JAZF1: variants seen among roughly 807,000 people sequenced by gnomAD.
The protein encoded by JAZF1 is JAZF zinc finger 1.
Under a neutral mutation model 26.4 loss-of-function variants are expected in JAZF1, and 8 were observed. That is an observed-to-expected ratio of 0.30 (90% CI 0.18 to 0.55). The LOEUF is 0.55. JAZF1 is among the 20% of genes least tolerant of loss of function. The pLI is 0.94. For missense variants in JAZF1, 199 were observed against 322.0 expected (o/e 0.62, Z 2.92); for synonymous variants, 126 against 122.3 (o/e 1.03, Z -0.20).
intron 2 of JAZF1, among the ~76,000 whole-genome samples, chr7:27,936,857 C>T (rs1027851347): frequency 3.3e-5 from 5 of 152,204 alleles, no homozygotes; most frequent in African/African-American, 1.2e-4. Flanking sequence ...CTCCATGCTC[C>T]AGCTAAACAT....
intron 3 of JAZF1, among the ~76,000 whole-genome samples, chr7:27,854,694 G>T (rs371648799): frequency 1.3e-4 from 20 of 152,226 alleles, no homozygotes; most frequent in African/African-American, 4.8e-4. Flanking sequence ...TTGAATATCG[G>T]CCCCCACTCT....
Position 28,047,886 on chromosome 7 carries a change from C to T in JAZF1, c.116-55905G>A, listed in dbSNP as rs1042211698. 5.3e-5 allele frequency among the ~76,000 whole-genome samples: 8 copies of T among 152,176 alleles called. No individual in the cohort carries two copies. The South Asian group carries it at 6.2e-4, about 12-fold the overall frequency. ...CTTATATTGATAAATTAGATGGTTT[C>T]GTGTTTTCTTGATCATATTCTTGTC... On this transcript the variant is annotated intron_variant, in intron 1 of 4. Transcript: ENST00000283928.
At chr7:28,085,244 C>T (rs1448286969) in intron 1 of JAZF1, among the ~76,000 whole-genome samples, 2 of 152,142 alleles carry the variant, frequency 1.3e-5, no homozygotes, top group African/African-American at 4.8e-5. Flanking sequence ...ATGTGGCTAA[C>T]AGGCATAAAA....
chr7:28,063,031 T>C (rs1254362355), intron 1 of JAZF1, among the ~76,000 whole-genome samples: 2 of 152,216 alleles, frequency 1.3e-5, no homozygotes, highest in African/African-American at 2.4e-5. Flanking sequence ...CAAGAAAACA[T>C]CTAAGCTTAT....
At chr7:28,056,077 G>A (rs145431933) in intron 1 of JAZF1, among the ~76,000 whole-genome samples, 112 of 152,058 alleles carry the variant, frequency 7.4e-4, no homozygotes, top group African/African-American at 2.6e-3. Context: ...ACCCACCACA[G>A]TATCCTCTGA....
intron 1 of JAZF1, among the ~76,000 whole-genome samples, chr7:28,041,924 C>T (rs150302029): frequency 6.6e-6 from 1 of 152,122 alleles, no homozygotes; most frequent in Non-Finnish European, 1.5e-5. Flanking sequence ...GAGATCAAGC[C>T]GAACTGGGCA....
intron 4 of JAZF1, among the ~76,000 whole-genome samples, chr7:27,836,172 G>GA (rs1782810461): frequency 6.6e-6 from 1 of 152,156 alleles, no homozygotes; most frequent in African/African-American, 2.4e-5. Context: ...AGTGGTCTTT[G>GA]AAAAATCTTA....
intron 1 of JAZF1, among the ~76,000 whole-genome samples, chr7:28,091,601 CATATATATTATATATATATAACAT>C (rs1562583999): frequency 6.8e-6 from 1 of 146,426 alleles, no homozygotes; most frequent in African/African-American, 2.6e-5. Context: ...GTTAAATATA[CATATATATTATATATATATAACAT>C]ATATATATAT....
At chr7:27,851,167 C>G (rs1361559386) in intron 3 of JAZF1, among the ~76,000 whole-genome samples, 1 of 152,066 alleles carries the variant, frequency 6.6e-6, no homozygotes, top group Non-Finnish European at 1.5e-5. Context: ...GGTCTTGAAC[C>G]CCTAACCTTA....
At chr7:28,135,624 C>T (rs1782870898) in intron 1 of JAZF1, among the ~76,000 whole-genome samples, 2 of 152,124 alleles carry the variant, frequency 1.3e-5, no homozygotes, top group Non-Finnish European at 2.9e-5. Flanking sequence ...TTTGAAAGAA[C>T]ACGGAGAAGA....
intron 1 of JAZF1, among the ~76,000 whole-genome samples, chr7:28,168,380 C>CAAAAA (rs11301939): frequency 1.8e-4 from 13 of 71,132 alleles, no homozygotes; most frequent in East Asian, 4.6e-4. Flanking sequence ...GACTCCGTCT[C>CAAAAA]AAAAAAAAAA....
At chr7:28,049,580 G>T (rs1256943200) in intron 1 of JAZF1, among the ~76,000 whole-genome samples, 1 of 152,150 alleles carries the variant, frequency 6.6e-6, no homozygotes, top group East Asian at 1.9e-4. Flanking sequence ...AGTCCTGCAA[G>T]AATGTCCCTA....
intron 1 of JAZF1, among the ~76,000 whole-genome samples, chr7:28,046,701 A>G (rs1783502895): frequency 6.6e-6 from 1 of 152,152 alleles, no homozygotes; most frequent in Admixed American, 6.6e-5. Flanking sequence ...ATACATGAAA[A>G]CTGATTTCAA....
intron 2 of JAZF1, among the ~76,000 whole-genome samples, chr7:27,981,339 G>A (rs1380195254): frequency 6.6e-6 from 1 of 152,164 alleles, no homozygotes; most frequent in African/African-American, 2.4e-5. Context: ...GAAACATTCT[G>A]TGGGACAACA....
At chr7:28,169,186 T>C (rs1374668766) in intron 1 of JAZF1, among the ~76,000 whole-genome samples, 1 of 152,266 alleles carries the variant, frequency 6.6e-6, no homozygotes, top group East Asian at 1.9e-4. Context: ...GTGAAGTGCA[T>C]GTATAACTTA....
intron 3 of JAZF1, among the ~76,000 whole-genome samples, chr7:27,864,405 G>C (rs1233791600): frequency 6.6e-6 from 1 of 152,120 alleles, no homozygotes; most frequent in African/African-American, 2.4e-5. Flanking sequence ...ATTAACCCTA[G>C]AGTGCCAGGC....
intron 1 of JAZF1, among the ~76,000 whole-genome samples, chr7:28,118,791 C>CAA (rs1554289669): frequency 7.7e-5 from 11 of 142,596 alleles, no homozygotes; most frequent in African/African-American, 2.9e-4. Flanking sequence ...CACACACACA[C>CAA]AACACACACA....
chr7:28,132,490 T>TA, intron 1 of JAZF1, among the ~76,000 whole-genome samples: 1 of 152,132 alleles, frequency 6.6e-6, no homozygotes. Flanking sequence ...ATGGAAAGAT[T>TA]CTTAAGGGTG....
At chr7:28,027,612 C>A (rs144823576) in intron 1 of JAZF1, among the ~76,000 whole-genome samples, 38 of 152,218 alleles carry the variant, frequency 2.5e-4, no homozygotes, top group African/African-American at 9.1e-4. Flanking sequence ...GGAGAGCACT[C>A]TCATCTCAGA....
Sources: allele counts gnomAD v4.1 joint callset (sites outside exome capture counted in the v4.1 genomes callset), GRCh38; gene constraint gnomAD v4.1.1; transcripts MANE v1.5; gene names NCBI Gene and HGNC (gene_info 2026-07-23, HGNC 2026-07-21).